Variants in F8 observed in about 807,000 individuals in gnomAD.
The protein encoded by F8 is antihemophilic factor.
Under a neutral mutation model 140.6 loss-of-function variants are expected in F8, and 12 were observed. The ratio of observed to expected loss-of-function variants is 0.09; its 90% CI spans 0.05 to 0.14. The LOEUF is 0.14. Ranked by LOEUF, F8 falls within the 10% of genes least tolerant of loss-of-function variation. The pLI, the probability that F8 is intolerant of heterozygous loss-of-function variation, is 1.00. For missense variants in F8, 1,354 were observed against 1,720.7 expected (o/e 0.79, Z 3.77); for synonymous variants, 585 against 614.6 (o/e 0.95, Z 0.71).
chrX:154,876,151 G>A (rs782222981), intron 22 of F8, among the ~76,000 whole-genome samples: 3 of 90,522 alleles, frequency 3.3e-5, no homozygotes, highest in South Asian at 1.1e-3. Context: ...ACGGAGTCTC[G>A]CTCTGTCGCC....
At chrX:154,985,685 C>A (rs2073555169) in intron 5 of F8, among the ~76,000 whole-genome samples, 1 of 112,125 alleles carries the variant, frequency 8.9e-6, no homozygotes, top group South Asian at 3.7e-4. Flanking sequence ...GGCAGCCATT[C>A]ATTTGTTCAT....
chrX:154,920,165 G>A (rs1557277432), intron 14 of F8: 6 of 123,068 alleles, frequency 4.9e-5, no homozygotes. Context: ...TAATAAAGAA[G>A]CAGTGGACTT....
At position 154,930,394 on chromosome X, in the gene F8, A is replaced by G. The variant is rs1557278653; in HGVS notation, c.3396T>C (p.His1132=). Residue 1132 remains histidine (H), a synonymous_variant, in exon 14 of 26, where the codon CAT becomes CAC. Transcript: ENST00000360256. ...PESARWIQRT[H]GKNSLNSGQG... is the part of the protein sequence containing the mutation. Reference sequence around the variant, plus strand: ...GCCCAGAGTTCAGAGAGTTCTTTCCATGAGTCCTTTGTATCCACCTTGCTG... The same window carrying G: ...GCCCAGAGTTCAGAGAGTTCTTTCCGTGAGTCCTTTGTATCCACCTTGCTG... The G allele has an allele frequency of 8.3e-7, 1 of 1,211,059 alleles. No individual in the cohort carries two copies. The highest frequency in any genetic ancestry group is 3.0e-5 in the East Asian group (1 of 33,854).
Position 154,992,941 on chromosome X carries a change from C to T in F8, c.596G>A (p.Arg199Lys). The change falls in exon 4 of 26, where the codon AGA becomes AAA. Residue 199 changes from arginine (R) to lysine (K), a missense_variant. Physicochemically the swap from Arg to Lys is conservative, Grantham distance 26 (BLOSUM62 2). Around this residue, in one of 4 missense-constraint regions of F8, gnomAD observed 128 missense variants for 230.4 expected, o/e 0.56. Transcript: ENST00000360256. ...CTACGCTTTCATACACTTACCTTCT[C>T]TACATACTAGTAGGGCTCCAATGAG... ...SGLIGALLVC[R>K]EGSLAKEKTQ... is the part of the protein sequence containing the mutation. 8.3e-7 allele frequency: 1 copy of T among 1,209,205 alleles called. No homozygotes were observed. The highest frequency in any genetic ancestry group is 1.8e-5 in the South Asian group (1 of 56,935).
intron 14 of F8, among the ~76,000 whole-genome samples, chrX:154,914,602 G>T (rs782338551): frequency 3.5e-4 from 39 of 112,255 alleles, no homozygotes; most frequent in Non-Finnish European, 6.4e-4. Flanking sequence ...CTAAAGCATA[G>T]CAAGAGCCAC....
intron 14 of F8, among the ~76,000 whole-genome samples, chrX:154,909,994 G>C (rs2073057007): frequency 8.9e-6 from 1 of 111,794 alleles, no homozygotes; most frequent in Non-Finnish European, 1.9e-5. Flanking sequence ...GGAAAAGAAA[G>C]AGAGATCAGA....
At chrX:154,945,943 C>G (rs1174627702) in intron 13 of F8, among the ~76,000 whole-genome samples, 4 of 111,390 alleles carry the variant, frequency 3.6e-5, no homozygotes, top group African/African-American at 1.3e-4. Context: ...TTCTATATAC[C>G]AAGAGCTAAC....
intron 22 of F8, among the ~76,000 whole-genome samples, chrX:154,891,252 G>T (rs1334936493): frequency 8.9e-6 from 1 of 112,763 alleles, no homozygotes; most frequent in Non-Finnish European, 1.9e-5. Flanking sequence ...TTAATTTCTT[G>T]TCAGCACACT....
At chrX:154,865,058 C>T (rs2072721465) in intron 22 of F8, among the ~76,000 whole-genome samples, 1 of 111,468 alleles carries the variant, frequency 9.0e-6, no homozygotes, top group Admixed American at 9.6e-5. Context: ...AAATTTTCAA[C>T]AAAGACAAAA....
At chrX:154,917,039 G>A (rs781917609) in intron 14 of F8, among the ~76,000 whole-genome samples, 1 of 111,174 alleles carries the variant, frequency 9.0e-6, no homozygotes, top group East Asian at 2.8e-4. Flanking sequence ...TGACTTATTG[G>A]TTGTTCAGGA....
chrX:154,933,964 C>T (rs1325365167), intron 13 of F8, among the ~76,000 whole-genome samples: 6 of 111,709 alleles, frequency 5.4e-5, no homozygotes, highest in Non-Finnish European at 9.4e-5. Context: ...CTTACAAAAA[C>T]GGACAGAGAC....
chrX:154,842,049 A>T (rs1407286771), intron 25 of F8, among the ~76,000 whole-genome samples: 7 of 112,019 alleles, frequency 6.2e-5, no homozygotes, highest in Non-Finnish European at 1.3e-4. Context: ...TGGATTTTTT[A>T]AATTAATAAC....
At chrX:154,910,428 G>T (rs1321288388) in intron 14 of F8, among the ~76,000 whole-genome samples, 1 of 93,674 alleles carries the variant, frequency 1.1e-5, no homozygotes, top group Non-Finnish European at 2.1e-5. Flanking sequence ...TCATGGGGTG[G>T]GGGGAGGGAT....
chrX:154,862,397 C>T (rs1306025783), intron 23 of F8, among the ~76,000 whole-genome samples: 1 of 111,473 alleles, frequency 9.0e-6, no homozygotes, highest in African/African-American at 3.3e-5. Flanking sequence ...TTCTTTGTTT[C>T]TTTTCTTCTT....
intron 25 of F8, among the ~76,000 whole-genome samples, chrX:154,848,158 G>A (rs1373247117): frequency 2.7e-5 from 3 of 112,651 alleles, no homozygotes; most frequent in African/African-American, 9.7e-5. Flanking sequence ...CTTGGTCTCA[G>A]AGGGGTACCC....
intron 25 of F8, among the ~76,000 whole-genome samples, chrX:154,839,569 A>G (rs911806823): frequency 4.5e-5 from 5 of 110,036 alleles, no homozygotes; most frequent in African/African-American, 6.6e-5. Context: ...TCACTGTGTT[A>G]GCCAGGATGG....
rs1227027131 is a variant in F8, at chrX:154,862,010, T to A, written c.6575-144A>T. On this transcript the variant is annotated intron_variant, in intron 23 of 25. Transcript: ENST00000360256. ...ACTTTTGCACAGATTCTGTTATTGGTTTTTTGTTTTGTTTTGTTTTGTTTT... is the reference window on the plus strand; with the variant it reads ...ACTTTTGCACAGATTCTGTTATTGGATTTTTGTTTTGTTTTGTTTTGTTTT... 3.2e-5 allele frequency: 24 copies of A among 745,155 alleles called. No individual in the cohort carries two copies. The African/African-American group carries it at 4.4e-4, about 14-fold the overall frequency. The allele number at this position is 745,155 out of a possible 1,213,427, so 61.4% of individuals were successfully genotyped here.
intron 13 of F8, among the ~76,000 whole-genome samples, chrX:154,936,130 T>C (rs1557279225): frequency 1.8e-5 from 2 of 110,407 alleles, no homozygotes; most frequent in Non-Finnish European, 3.8e-5. Context: ...TGAAAAACTA[T>C]GCAAGTAGAA....
chrX:154,908,014 TG>T (rs1318326095), intron 14 of F8, among the ~76,000 whole-genome samples: 2 of 111,877 alleles, frequency 1.8e-5, no homozygotes, highest in African/African-American at 6.5e-5. Context: ...TGTATCTTGA[TG>T]TCAATTCTCT....
Sources: allele counts gnomAD v4.1 joint callset (sites outside exome capture counted in the v4.1 genomes callset), GRCh38; gene constraint gnomAD v4.1.1; regional missense constraint gnomAD v4.1.1; transcripts MANE v1.5; gene names NCBI Gene and HGNC (gene_info 2026-07-23, HGNC 2026-07-21).